LARGE1: variants seen among roughly 807,000 people sequenced by gnomAD.
The protein encoded by LARGE1 is LARGE xylosyl- and glucuronyltransferase 1.
A neutral mutation model predicts 87.6 loss-of-function variants in LARGE1; 43 were observed. The observed-to-expected ratio is 0.49, with a 90% confidence interval of 0.38 to 0.63. The LOEUF (loss-of-function observed/expected upper bound fraction) is 0.63, where lower values mean the gene tolerates loss of function less well. Ranked by LOEUF, LARGE1 falls within the 30% of genes least tolerant of loss-of-function variation. The probability of loss-of-function intolerance (pLI) is 0.00; values close to 1 mark genes in which losing one functional copy is unlikely to be tolerated. For synonymous variants in LARGE1, 434 were observed against 394.6 expected, an observed-to-expected ratio of 1.10 and a Z score of -1.18; for missense variants, 802 against 1,000.2, an observed-to-expected ratio of 0.80 and a Z score of 2.67.
chr22:33,772,241 G>T (rs2085093426), intron 1 of LARGE1, among the ~76,000 whole-genome samples: 1 of 152,036 alleles, frequency 6.6e-6, no homozygotes, highest in African/African-American at 2.4e-5. Flanking sequence ...GCTGAGGCAG[G>T]AGAATGGTGT....
intron 5 of LARGE1, among the ~76,000 whole-genome samples, chr22:33,578,407 T>C (rs892821858): frequency 6.6e-6 from 1 of 152,152 alleles, no homozygotes; most frequent in African/African-American, 2.4e-5. Context: ...TAAACACTCA[T>C]TGTGTGTGCC....
At position 33,451,853 on chromosome 22, in the gene LARGE1, G is replaced by A. The variant is rs193223121; in HGVS notation, c.788-19588C>T. Among the ~76,000 whole-genome samples, 666 of 141,096 alleles carry A rather than the reference G, an allele frequency of 4.7e-3. 3 individuals are homozygous for A. Among genetic ancestry groups the A allele is most frequent in the Non-Finnish European group, 7.3e-3 (450 of 61,248 alleles). 92.6% of individuals were successfully genotyped at this position (141,096 alleles called of 152,430 possible). On this transcript the variant is annotated intron_variant, in intron 6 of 14. Transcript: ENST00000397394. ...ATTACAGGCGTGAGCCACCGCCCCC[G>A]GCCGGGAGTCTCTCATTCTTATGCC...
intron 1 of LARGE1, among the ~76,000 whole-genome samples, chr22:33,910,300 G>A (rs1243644776): frequency 6.6e-6 from 1 of 152,098 alleles, no homozygotes; most frequent in Non-Finnish European, 1.5e-5. Flanking sequence ...TGGGTGTAAC[G>A]TACTCACAGC....
chr22:33,094,672 A>C, the LARGE1 span, among the ~76,000 whole-genome samples: 11 of 150,750 alleles, frequency 7.3e-5, no homozygotes, highest in East Asian at 1.8e-3. Flanking sequence ...CATTTACGAG[A>C]TTCCTTCAGG....
intron 11 of LARGE1, among the ~76,000 whole-genome samples, chr22:33,250,409 G>A (rs1210656028): frequency 6.6e-6 from 1 of 152,094 alleles, no homozygotes; most frequent in Non-Finnish European, 1.5e-5. Flanking sequence ...TTAGTTCCAT[G>A]CGTTTTTTGT....
chr22:33,168,773 C>T (rs1476006), intron 11 of LARGE1, among the ~76,000 whole-genome samples: 18,429 of 152,138 alleles, frequency 0.12, 1,242 homozygotes, highest in East Asian at 0.21. Context: ...TTGATGAACT[C>T]ATCCATTTCC....
chr22:33,210,134 C>T (rs1924882136), intron 11 of LARGE1, among the ~76,000 whole-genome samples: 1 of 152,238 alleles, frequency 6.6e-6, no homozygotes, highest in Non-Finnish European at 1.5e-5. Context: ...GAAAGTCATC[C>T]AGAGCCGTGT....
At chr22:33,495,255 T>C (rs1405103164) in intron 6 of LARGE1, among the ~76,000 whole-genome samples, 2 of 152,150 alleles carry the variant, frequency 1.3e-5, no homozygotes, top group African/African-American at 2.4e-5. Context: ...TTCCTTTGAG[T>C]CTCCATCGTG....
chr22:33,269,701 T>G (rs1479875652), downstream of LARGE1, among the ~76,000 whole-genome samples: 1 of 152,158 alleles, frequency 6.6e-6, no homozygotes, highest in South Asian at 2.1e-4. Context: ...CCAGAAGACA[T>G]TATCTCTTAA....
At chr22:33,753,680 T>C (rs956635031) in intron 2 of LARGE1, among the ~76,000 whole-genome samples, 1 of 152,182 alleles carries the variant, frequency 6.6e-6, no homozygotes, top group African/African-American at 2.4e-5. Flanking sequence ...TTAAAGGAGA[T>C]GCAGCCAATG....
intron 6 of LARGE1, among the ~76,000 whole-genome samples, chr22:33,536,259 G>A (rs1477997571): frequency 1.3e-5 from 2 of 152,190 alleles, no homozygotes; most frequent in East Asian, 3.9e-4. Flanking sequence ...GCAGAAAAGT[G>A]CAACATGAAG....
chr22:33,537,537 T>C (rs918244291), intron 6 of LARGE1, among the ~76,000 whole-genome samples: 6 of 152,208 alleles, frequency 3.9e-5, no homozygotes, highest in Admixed American at 3.3e-4. Context: ...TAATCGCTTA[T>C]GTAAAGTCCC....
chr22:33,275,278 T>A (rs1436122172), intron 14 of LARGE1, among the ~76,000 whole-genome samples: 1 of 152,210 alleles, frequency 6.6e-6, no homozygotes, highest in African/African-American at 2.4e-5. Context: ...GGCCTCTGAA[T>A]AGCCAAAACA....
At chr22:33,887,324 C>T (rs1418828637) in intron 1 of LARGE1, among the ~76,000 whole-genome samples, 3 of 152,278 alleles carry the variant, frequency 2.0e-5, no homozygotes, top group Admixed American at 1.3e-4. Context: ...CCTTCTTTCA[C>T]GTAAGGACGC....
At chr22:33,646,291 T>C (rs1216129926) in intron 3 of LARGE1, among the ~76,000 whole-genome samples, 2 of 152,048 alleles carry the variant, frequency 1.3e-5, no homozygotes, top group East Asian at 1.9e-4. Context: ...TGTGGGGACA[T>C]GAATGAAGCT....
chr22:33,156,445 T>G, the LARGE1 span, among the ~76,000 whole-genome samples: 2 of 152,200 alleles, frequency 1.3e-5, no homozygotes, highest in African/African-American at 4.8e-5. Flanking sequence ...CAAAGGAGAT[T>G]ATTTTTGAGC....
At chr22:33,378,521 C>T (rs891961672) in intron 9 of LARGE1, among the ~76,000 whole-genome samples, 1 of 152,128 alleles carries the variant, frequency 6.6e-6, no homozygotes, top group African/African-American at 2.4e-5. Flanking sequence ...ATATGTTTTG[C>T]CTGTTGGCCT....
the LARGE1 span, among the ~76,000 whole-genome samples, chr22:33,156,996 G>A: frequency 4.6e-5 from 7 of 152,122 alleles, no homozygotes; most frequent in Non-Finnish European, 5.9e-5. Context: ...TGTGAGACAC[G>A]CCTTTCACCT....
Position 33,730,532 on chromosome 22 carries a change from C to G in LARGE1, c.106+30839G>C, listed in dbSNP as rs1041000544. Among the ~76,000 whole-genome samples the G allele has an allele frequency of 3.3e-5, 5 of 152,112 alleles. No homozygotes were observed. The East Asian group carries it at 5.8e-4, about 18-fold the overall frequency. On this transcript the variant is annotated intron_variant, in intron 2 of 14. Transcript: ENST00000397394. ...AAGCTTACACGAATTTTTGACTGTG[C>G]AGGGGGTTAGTGTCCCTAGTTCCCA...
Sources: gnomAD v4.1 joint callset for allele counts (sites outside exome capture counted in the v4.1 genomes callset) on GRCh38, gnomAD v4.1.1 for gene constraint, MANE v1.5 for transcripts, NCBI Gene and HGNC (gene_info 2026-07-23, HGNC 2026-07-21) for gene names.